Variants in MYB observed in about 807,000 individuals in gnomAD.
MYB encodes MYB proto-oncogene, transcription factor.
In MYB, 28 loss-of-function variants were observed where a neutral mutation model predicts 92.9. The observed-to-expected ratio is 0.30, with a 90% CI of 0.22 to 0.41. MYB has a LOEUF of 0.41. MYB is among the 10% of genes least tolerant of loss of function. The pLI is 1.00. For missense variants in MYB, 679 were observed against 929.3 expected (o/e 0.73, Z 3.50); for synonymous variants, 295 against 329.1 (o/e 0.90, Z 1.12).
chr6:135,195,014 G>A (rs1363048648), intron 8 of MYB: 3 of 1,338,106 alleles, frequency 2.2e-6, no homozygotes, highest in Admixed American at 4.0e-5. Context: ...AGCCAACTGG[G>A]ATGGCTCCTT....
Position 135,181,571 on chromosome 6 carries a change from G to A in MYB, c.23+35G>A. The A allele has an allele frequency of 5.3e-6, 6 of 1,121,864 alleles. No homozygotes were observed. Among genetic ancestry groups the A allele is most frequent in the Non-Finnish European group, 6.6e-6 (6 of 908,420 alleles). 69.5% of individuals were successfully genotyped at this position (1,121,864 alleles called of 1,614,324 possible). A position where few individuals can be genotyped will look rare whatever the true frequency, so the allele number is the denominator to read the frequency against. On this transcript the variant is annotated intron_variant, in intron 1 of 15. Coordinates refer to ENST00000341911, the MANE Select transcript of MYB (RefSeq NM_001130173.2). This position sits in a 1 kb window ranked among gnomAD's most constrained non-coding sequence, Gnocchi z 5.3. ...AGCCGGGCGGGCGGCCGAGGGCGGG[G>A]GCGCGCGGGGGCGCGCGGGGCGCCA...
intron 1 of MYB, among the ~76,000 whole-genome samples, chr6:135,184,139 G>A (rs1775575566): frequency 6.6e-6 from 1 of 152,094 alleles, no homozygotes; most frequent in Non-Finnish European, 1.5e-5. Context: ...TTCTGAAAAT[G>A]TGACCTCTAG....
chr6:135,182,436 T>C lies in MYB; in HGVS notation c.23+900T>C, dbSNP rs1775198910. 6.6e-6 allele frequency among the ~76,000 whole-genome samples: 1 copy of C among 152,062 alleles called. No homozygotes were observed. Among genetic ancestry groups the C allele is most frequent in the Non-Finnish European group, 1.5e-5 (1 of 67,992 alleles). On this transcript the variant is annotated intron_variant, in intron 1 of 15. Transcript: ENST00000341911. This position sits in a 1 kb window ranked among gnomAD's most constrained non-coding sequence, Gnocchi z 5.6. ...GGTGCCAGGGCTAGCTCGGCAGCCGTCGCAGTCGCCACTCGGCTCAAGGGG... is the reference window on the plus strand; with the variant it reads ...GGTGCCAGGGCTAGCTCGGCAGCCGCCGCAGTCGCCACTCGGCTCAAGGGG...
intron 10 of MYB, among the ~76,000 whole-genome samples, chr6:135,197,575 C>A (rs540397857): frequency 1.3e-5 from 2 of 152,180 alleles, no homozygotes; most frequent in Non-Finnish European, 2.9e-5. Context: ...TTGCATGAAA[C>A]GTACTTTTAT....
intron 8 of MYB, chr6:135,195,179 G>A: frequency 2.1e-6 from 2 of 972,490 alleles, no homozygotes; most frequent in Non-Finnish European, 1.3e-6. Context: ...TTAATGTTTT[G>A]CAATTTCTCC....
At chr6:135,193,420 T>G (rs210798) in intron 6 of MYB, among the ~76,000 whole-genome samples, 89,304 of 152,006 alleles carry the variant, frequency 0.59, 27,264 homozygotes, top group African/African-American at 0.78. Flanking sequence ...ATCATAAGAA[T>G]TCCTGTGCTT....
rs568318205 is a variant in MYB at position 135,197,199 on chromosome 6, G to A, written c.1442G>A (p.Arg481Gln). ...AGCACAATTCCACTGGTCATCCTTC[G>A]AAAAAAACGGGGCCAGGCCAGCCCC... is the stretch of plus-strand genomic sequence containing the variant. The part of the protein sequence containing the change: ...RHSTIPLVIL[R>Q]KKRGQASPLA... The change falls in exon 10 of 16, where the codon CGA (arginine) becomes CAA (glutamine). Residue 481 changes from arginine to glutamine, a missense_variant. This residue lies in a region of MYB where 402 missense variants were observed against 434.2 expected (regional missense o/e 0.93). Coordinates refer to ENST00000341911, the MANE Select transcript of MYB (RefSeq NM_001130173.2). 7.9e-5 allele frequency: 128 copies of A among 1,613,808 alleles called. No homozygotes were observed. In the African/African-American group the frequency reaches 1.2e-3, roughly 15 times the overall value.
At chr6:135,199,980 A>T in intron 11 of MYB, 105 bp from the exon 12 acceptor site, 1 of 875,146 alleles carries the variant, frequency 1.1e-6, no homozygotes, top group Non-Finnish European at 1.8e-6. Flanking sequence ...CATATCCGGA[A>T]CAGAGTTTAT....
intron 15 of MYB, among the ~76,000 whole-genome samples, chr6:135,211,485 A>T (rs1779690575): frequency 1.3e-5 from 2 of 152,088 alleles, no homozygotes; most frequent in South Asian, 4.1e-4. Flanking sequence ...CTTAGAGAGA[A>T]TAAACATTCT....
At chr6:135,194,485 A>G in intron 8 of MYB, 25 bp downstream of exon 8, 1 of 1,534,588 alleles carries the variant, frequency 6.5e-7, no homozygotes, top group East Asian at 2.2e-5. Context: ...ATGTGCTTGA[A>G]TGAGGGGATA....
chr6:135,197,191 C>A lies in MYB; in HGVS notation c.1434C>A (p.Val478=). 6.2e-7 allele frequency: 1 copy of A among 1,613,932 alleles called. No homozygotes were observed. ...CAAGGCACAGCACAATTCCACTGGT[C>A]ATCCTTCGAAAAAAACGGGGCCAGG... ...PPARHSTIPL[V]ILRKKRGQAS... Residue 478 remains valine (V), a synonymous_variant, in exon 10 of 16, where the codon GTC becomes GTA. Transcript: ENST00000341911.
rs544985281 is a variant in MYB at position 135,196,394 on chromosome 6, A to G, written c.1203+392A>G. On this transcript the variant is annotated intron_variant, in intron 9 of 15. Transcript: ENST00000341911. ...TTTGCTTACTTCATGGTGCTTCTCT[A>G]GAATTTTGTCTTGCTTTTGAACAGC... Among the ~76,000 whole-genome samples the G allele has an allele frequency of 3.9e-5, 6 of 152,260 alleles. No individual in the cohort carries two copies. In the South Asian group the frequency reaches 1.2e-3, roughly 32 times the overall value.
chr6:135,188,095 G>T (rs372653921), intron 3 of MYB, among the ~76,000 whole-genome samples, 190 bp downstream of exon 3: 11 of 152,150 alleles, frequency 7.2e-5, no homozygotes, highest in Admixed American at 3.9e-4. Context: ...TAGATTATTA[G>T]AATCGATTAT....
chr6:135,191,257 G>C (rs747061760), intron 5 of MYB, among the ~76,000 whole-genome samples: 14 of 152,120 alleles, frequency 9.2e-5, no homozygotes, highest in Non-Finnish European at 1.9e-4. Context: ...CTCATTATGA[G>C]GGATAACTAT....
At chr6:135,198,658 A>G (rs1484114700) in intron 10 of MYB, among the ~76,000 whole-genome samples, 1 of 152,222 alleles carries the variant, frequency 6.6e-6, no homozygotes, top group Admixed American at 6.5e-5. Flanking sequence ...TATTGAGAGT[A>G]TTTTCTCACA....
At chr6:135,204,959 C>T (rs773851337) in intron 15 of MYB, among the ~76,000 whole-genome samples, 4 of 152,014 alleles carry the variant, frequency 2.6e-5, no homozygotes, top group Non-Finnish European at 5.9e-5. Flanking sequence ...CCCAGCTACT[C>T]GGGAGGCTGA....
intron 15 of MYB, among the ~76,000 whole-genome samples, chr6:135,213,115 C>A (rs1779968900): frequency 1.3e-5 from 2 of 152,118 alleles, no homozygotes; most frequent in South Asian, 4.1e-4. Flanking sequence ...TGCTTGGTGG[C>A]CTTTTTGTTC....
At chr6:135,209,265 A>G (rs1048781397) in intron 15 of MYB, among the ~76,000 whole-genome samples, 1 of 151,908 alleles carries the variant, frequency 6.6e-6, no homozygotes. Context: ...ACAGAGTCTC[A>G]CTCTGTCACC....
At chr6:135,194,272 C>T in intron 7 of MYB, 84 bp from the exon 8 acceptor site, 1 of 1,056,656 alleles carries the variant, frequency 9.5e-7, no homozygotes, top group Non-Finnish European at 1.4e-6. Flanking sequence ...TGTGCGGCAC[C>T]TCATGACCAT....
Sources: gnomAD v4.1 joint callset for allele counts (sites outside exome capture counted in the v4.1 genomes callset) on GRCh38, gnomAD v4.1.1 for gene constraint, gnomAD v4.1.1 regional missense constraint, Gnocchi (gnomAD v3.1) non-coding constraint, MANE v1.5 for transcripts, NCBI Gene and HGNC (gene_info 2026-07-23, HGNC 2026-07-21) for gene names.